SUSD5: variants seen among roughly 807,000 people sequenced by gnomAD.
SUSD5 encodes sushi domain containing 5.
SUSD5 carries 33 observed loss-of-function variants against 29.5 expected under a neutral mutation model. The ratio of observed to expected loss-of-function variants is 1.12; its 90% CI spans 0.85 to 1.49. The LOEUF is 1.49. Among genes scored for constraint, SUSD5 ranks in the 40% most tolerant of loss-of-function variants. SUSD5 has a pLI of 0.00. For synonymous variants in SUSD5, 308 were observed against 325.3 expected (o/e 0.95, Z 0.57); for missense variants, 776 against 800.6 (o/e 0.97, Z 0.37).
At position 33,153,314 on chromosome 3, in the gene SUSD5, G is replaced by A. The variant is rs2030960410; in HGVS notation, c.1318C>T (p.Gln440Ter). 2.5e-6 allele frequency: 4 copies of A among 1,613,978 alleles called. No homozygotes were observed. The East Asian group carries it at 6.7e-5, about 27-fold the overall frequency. Residue 440 changes from glutamine to a stop codon, truncating the protein, a stop_gained, in exon 5 of 5, where the codon CAA becomes TAA. Transcript: ENST00000309558. LOFTEE classifies it low-confidence loss of function (END_TRUNC). Reference sequence around the variant, plus strand: ...GCCAAAGCTTCCACATCTAGCATTTGAGATGGAAGAACTGAACTATGGGTC... The same window carrying A: ...GCCAAAGCTTCCACATCTAGCATTTAAGATGGAAGAACTGAACTATGGGTC... Reference protein sequence around the residue: ...GMTHSSVLPSQMLDVEALALR... With the variant: ...GMTHSSVLPS
chr3:33,156,481 A>G (rs1053860743), intron 4 of SUSD5, among the ~76,000 whole-genome samples: 3 of 152,212 alleles, frequency 2.0e-5, no homozygotes, highest in African/African-American at 4.8e-5. Flanking sequence ...GGACAGCCCG[A>G]TGAGAGGGGA....
At chr3:33,217,107 T>C (rs1471945732) in intron 1 of SUSD5, among the ~76,000 whole-genome samples, 5 of 152,200 alleles carry the variant, frequency 3.3e-5, no homozygotes, top group African/African-American at 1.2e-4. Flanking sequence ...ATATTGATCC[T>C]TATCCACATG....
intron 2 of SUSD5, among the ~76,000 whole-genome samples, chr3:33,213,378 T>C (rs1473461869): frequency 7.3e-6 from 1 of 136,554 alleles, no homozygotes; most frequent in African/African-American, 2.6e-5. Context: ...CACTCCAGCC[T>C]GGTGGACAGA....
intron 4 of SUSD5, among the ~76,000 whole-genome samples, chr3:33,161,664 A>C (rs905773979): frequency 2.6e-5 from 4 of 152,188 alleles, no homozygotes; most frequent in Non-Finnish European, 5.9e-5. Flanking sequence ...AGTTGAAAGT[A>C]AAAGAATTAA....
intron 2 of SUSD5, among the ~76,000 whole-genome samples, chr3:33,210,977 G>A (rs1028428788): frequency 7.4e-4 from 113 of 152,162 alleles, no homozygotes; most frequent in African/African-American, 2.6e-3. Flanking sequence ...TGGTTCAAGC[G>A]ATTCTCCTGC....
chr3:33,189,112 A>G (rs9861369), intron 3 of SUSD5, among the ~76,000 whole-genome samples: 90,634 of 152,010 alleles, frequency 0.6, 27,254 homozygotes, highest in South Asian at 0.66. Flanking sequence ...CAATAACTCT[A>G]AATCAATTAC....
intron 3 of SUSD5, among the ~76,000 whole-genome samples, chr3:33,178,486 G>A (rs1390327748): frequency 1.5e-4 from 23 of 150,312 alleles, no homozygotes; most frequent in Admixed American, 4.0e-4. Flanking sequence ...TCTTGCTGTC[G>A]CCCAGGTTGG....
chr3:33,186,120 G>A (rs771202813), intron 3 of SUSD5, among the ~76,000 whole-genome samples: 3 of 151,982 alleles, frequency 2.0e-5, no homozygotes, highest in East Asian at 2.0e-4. Context: ...TGGCTAACAC[G>A]GTGAAACCCT....
chr3:33,213,718 G>A (rs1443050220), intron 2 of SUSD5, among the ~76,000 whole-genome samples: 2 of 152,018 alleles, frequency 1.3e-5, no homozygotes, highest in South Asian at 2.1e-4. Flanking sequence ...AGGTTGCAGT[G>A]AGCCTAGATT....
intron 3 of SUSD5, among the ~76,000 whole-genome samples, chr3:33,175,622 T>C (rs149697247): frequency 6.6e-6 from 1 of 152,014 alleles, no homozygotes; most frequent in Non-Finnish European, 1.5e-5. Flanking sequence ...AATACATACA[T>C]ATTTCTTTTT....
intron 3 of SUSD5, among the ~76,000 whole-genome samples, chr3:33,175,588 CAT>C (rs202048423): frequency 0.014 from 2,155 of 151,816 alleles, 50 homozygotes; most frequent in African/African-American, 0.049. Flanking sequence ...CACACACACA[CAT>C]ATATATACAC....
intron 4 of SUSD5, among the ~76,000 whole-genome samples, chr3:33,171,887 C>T (rs2125619630): frequency 6.6e-6 from 1 of 152,234 alleles, no homozygotes; most frequent in African/African-American, 2.4e-5. Flanking sequence ...CCTCAATTTC[C>T]AGTCTCTATC....
chr3:33,206,370 A>C (rs938616269), intron 3 of SUSD5, among the ~76,000 whole-genome samples: 2 of 151,876 alleles, frequency 1.3e-5, no homozygotes, highest in African/African-American at 4.8e-5. Flanking sequence ...GTAAGACTCC[A>C]TCTCAAAATA....
In SUSD5 at chr3:33,153,278, C is replaced by T. The variant is rs749425633; in HGVS notation, c.1354G>A (p.Val452Met). The change falls in exon 5 of 5, where the codon GTG becomes ATG. Residue 452 changes from valine to methionine, a missense_variant. Physicochemically the swap from Val to Met is conservative, Grantham distance 21. Coordinates refer to ENST00000309558, the MANE Select transcript of SUSD5 (RefSeq NM_015551.2). ...LDVEALALRP[V>M]NASETEGIGD... ...ATGCCCTCAGTCTCGGAAGCATTCACGGGTCTGAGCGCCAAAGCTTCCACA... is the reference window on the plus strand; with the variant it reads ...ATGCCCTCAGTCTCGGAAGCATTCATGGGTCTGAGCGCCAAAGCTTCCACA... 8.7e-6 allele frequency: 14 copies of T among 1,613,906 alleles called. No homozygotes were observed. Among genetic ancestry groups the T allele is most frequent in the South Asian group, 4.4e-5 (4 of 91,070 alleles).
At chr3:33,218,476 C>T (rs1290467587) in intron 1 of SUSD5, among the ~76,000 whole-genome samples, 3 of 152,190 alleles carry the variant, frequency 2.0e-5, no homozygotes, top group Non-Finnish European at 4.4e-5. Flanking sequence ...AGGGTCCAGG[C>T]ACCAGGCGGG....
chr3:33,188,454 T>G (rs2031823096), intron 3 of SUSD5, among the ~76,000 whole-genome samples: 1 of 152,132 alleles, frequency 6.6e-6, no homozygotes, highest in African/African-American at 2.4e-5. Context: ...CTCCTCTACA[T>G]CAGTGGTTCT....
intron 3 of SUSD5, among the ~76,000 whole-genome samples, chr3:33,195,677 T>G (rs2031981002): frequency 6.6e-6 from 1 of 151,896 alleles, no homozygotes; most frequent in Admixed American, 6.6e-5. Context: ...ATATAATGGA[T>G]TATTATAGCC....
chr3:33,150,285 A>G lies in SUSD5; in HGVS notation c.*2457T>C, dbSNP rs1039494375. The G allele has an allele frequency of 6.6e-6, 1 of 152,030 alleles. No homozygotes were observed. The highest frequency in any genetic ancestry group is 1.9e-4 in the East Asian group (1 of 5,184). 9.4% of individuals were successfully genotyped at this position (152,030 alleles called of 1,614,324 possible). On this transcript the variant is annotated 3_prime_UTR_variant, in exon 5 of 5. Transcript: ENST00000309558. ...ATGTGTTGGGTTTATTTCACAGTCC[A>G]TGTCTACAAATAAAACATTTACCTG...
intron 4 of SUSD5, among the ~76,000 whole-genome samples, chr3:33,172,224 CTTCTT>C (rs1161983974): frequency 6.7e-6 from 1 of 148,540 alleles, no homozygotes; most frequent in Non-Finnish European, 1.5e-5. Context: ...CACACACACT[CTTCTT>C]ACAAGGACAC....
Sources: gnomAD v4.1 joint callset for allele counts (sites outside exome capture counted in the v4.1 genomes callset) on GRCh38, gnomAD v4.1.1 for gene constraint, MANE v1.5 for transcripts, NCBI Gene and HGNC (gene_info 2026-07-23, HGNC 2026-07-21) for gene names.